The following HGSNAT variants were observed in gnomAD, a reference collection of about 807,000 sequenced individuals.
HGSNAT encodes transmembrane protein 76.
Under a neutral mutation model 85.2 loss-of-function variants are expected in HGSNAT, and 59 were observed. That is an observed-to-expected ratio of 0.69 (90% confidence interval 0.56 to 0.86). The LOEUF (loss-of-function observed/expected upper bound fraction) is 0.86, where lower values mean the gene tolerates loss of function less well. HGSNAT is among the 40% of genes least tolerant of loss of function. The pLI, the probability that HGSNAT is intolerant of heterozygous loss-of-function variation, is 0.00. For synonymous variants in HGSNAT, 321 were observed against 304.5 expected (o/e 1.05, Z -0.56); for missense variants, 756 against 777.1 (o/e 0.97, Z 0.32).
At chr8:43,177,901 C>T (rs1803869200) in intron 9 of HGSNAT, among the ~76,000 whole-genome samples, 173 bp from the exon 10 acceptor site, 1 of 152,296 alleles carries the variant, frequency 6.6e-6, no homozygotes, top group East Asian at 1.9e-4. Context: ...CTTCCAGCCC[C>T]ATGGGGCTAT....
chr8:43,193,745 C>T lies in HGSNAT; in HGVS notation c.1378-12C>T. On this transcript the variant is annotated splice_polypyrimidine_tract_variant and intron_variant, in intron 13 of 17. Coordinates refer to ENST00000379644, the MANE Select transcript of HGSNAT (RefSeq NM_152419.3). ...AGTGAGTGAGTGCTGCCTTCTGCTTCTGTTTGTTAAGGTACTTTACCACAC... is the reference window on the plus strand; with the variant it reads ...AGTGAGTGAGTGCTGCCTTCTGCTTTTGTTTGTTAAGGTACTTTACCACAC... 1 of 1,596,392 alleles carries T rather than the reference C, an allele frequency of 6.3e-7. No individual in the cohort carries two copies. The highest frequency in any genetic ancestry group is 8.6e-7 in the Non-Finnish European group (1 of 1,165,504).
At chr8:43,178,049 C>G in intron 9 of HGSNAT, 25 bp from the exon 10 acceptor site, 2 of 1,606,420 alleles carry the variant, frequency 1.2e-6, no homozygotes, top group Non-Finnish European at 1.7e-6. Flanking sequence ...AAATGGCCAC[C>G]TATTAATAAC....
chr8:43,172,260 C>A, intron 7 of HGSNAT, 50 bp from the exon 8 acceptor site: 2 of 1,334,584 alleles, frequency 1.5e-6, no homozygotes, highest in East Asian at 4.6e-5. Flanking sequence ...TCAGCCCTTC[C>A]TTTTCACATA....
chr8:43,197,425 A>G, intron 15 of HGSNAT: 1 of 561,408 alleles, frequency 1.8e-6, no homozygotes, highest in Non-Finnish European at 3.1e-6. Flanking sequence ...CCTCCTCTTC[A>G]GAGTCACTGT....
At chr8:43,179,512 T>A (rs1156794203) in intron 10 of HGSNAT, among the ~76,000 whole-genome samples, 7 of 111,338 alleles carry the variant, frequency 6.3e-5, no homozygotes, top group Admixed American at 5.0e-4. Flanking sequence ...CCCACCTCCC[T>A]CCCGGACGGG....
chr8:43,173,544 A>C (rs1332141492), intron 8 of HGSNAT, among the ~76,000 whole-genome samples, 169 bp from the exon 9 acceptor site: 3 of 152,152 alleles, frequency 2.0e-5, no homozygotes, highest in Non-Finnish European at 4.4e-5. Context: ...TCCTGACCTC[A>C]GGTGATCTGC....
At position 43,140,507 on chromosome 8, in the gene HGSNAT, C is replaced by T. The variant is rs1802477313; in HGVS notation, c.11C>T (p.Ala4Val). Residue 4 changes from alanine (A) to valine (V), a missense_variant, in exon 1 of 18, where the codon GCG becomes GTG. By Grantham distance (64) the Ala-to-Val change is moderately conservative. Transcript: ENST00000379644. MSG[A>V]GRALAALLLA... ...GAGCGGGCGGCGGGCATGAGCGGGG[C>T]GGGCAGGGCGCTGGCCGCGCTGCTG... 9.5e-7 allele frequency: 1 copy of T among 1,051,080 alleles called. No homozygotes were observed. Among genetic ancestry groups the T allele is most frequent in the Non-Finnish European group, 1.1e-6 (1 of 874,004 alleles). 65.1% of individuals were successfully genotyped at this position (1,051,080 alleles called of 1,614,324 possible). A position where few individuals can be genotyped will look rare whatever the true frequency, so the allele number is the denominator to read the frequency against.
At chr8:43,181,862 C>G in intron 10 of HGSNAT, 2 of 428,840 alleles carry the variant, frequency 4.7e-6, no homozygotes, top group South Asian at 7.3e-5. Flanking sequence ...CTGAGTAAGA[C>G]GCTTTGGTTC....
In HGSNAT at chr8:43,182,183, C is replaced by T. The variant is rs756420301; in HGVS notation, c.1051C>T (p.Arg351Ter). Residue 351 changes from arginine to a stop codon, truncating the protein, a stop_gained, in exon 11 of 18, where the codon CGA becomes TGA. Coordinates refer to ENST00000379644, the MANE Select transcript of HGSNAT (RefSeq NM_152419.3). LOFTEE classifies it high-confidence loss of function. ...GGTGCGCATTCCTGGTGTGCTGCAG[C>T]GATTGGGAGTGACATACTTTGTGGT... ...DKVRIPGVLQRLGVTYFVVAV... is the reference protein window; with the variant it reads ...DKVRIPGVLQ The T allele has an allele frequency of 3.1e-6, 5 of 1,613,916 alleles. No individual in the cohort carries two copies. Among genetic ancestry groups the T allele is most frequent in the Admixed American group, 1.7e-5 (1 of 60,012 alleles).
intron 9 of HGSNAT, among the ~76,000 whole-genome samples, chr8:43,176,245 T>C (rs545689708): frequency 1.2e-4 from 19 of 152,224 alleles, no homozygotes; most frequent in Non-Finnish European, 2.8e-4. Context: ...GATAGGGGTC[T>C]AGGTTCATTC....
rs1408305187 is a variant in HGSNAT, at chr8:43,140,626, C to G, written c.118+12C>G. 1 of 1,188,426 alleles carries G rather than the reference C, an allele frequency of 8.4e-7. No individual in the cohort carries two copies. Among genetic ancestry groups the G allele is most frequent in the South Asian group, 2.4e-5 (1 of 42,534 alleles). 73.6% of individuals were successfully genotyped at this position (1,188,426 alleles called of 1,614,324 possible). ...CGCGCCGCCACGAGGTGAGTGCACA[C>G]CTCCTACCGCCGCCCGGCCGGCTAC... On this transcript the variant is annotated intron_variant, in intron 1 of 17. Transcript: ENST00000379644.
intron 1 of HGSNAT, among the ~76,000 whole-genome samples, chr8:43,140,841 A>C (rs1036733783): frequency 1.3e-5 from 2 of 151,688 alleles, no homozygotes; most frequent in Admixed American, 6.6e-5. Flanking sequence ...GGCGGTTCGG[A>C]CCGCGGCGGA....
chr8:43,169,770 C>G (rs1803553983), intron 6 of HGSNAT, among the ~76,000 whole-genome samples: 2 of 152,312 alleles, frequency 1.3e-5, no homozygotes, highest in Admixed American at 1.3e-4. Context: ...AAGTACAAAA[C>G]CAGACCTCTA....
intron 11 of HGSNAT, among the ~76,000 whole-genome samples, chr8:43,187,480 T>C (rs372151440): frequency 2.0e-5 from 3 of 152,322 alleles, no homozygotes; most frequent in South Asian, 2.1e-4. Flanking sequence ...CCTTTTTTTG[T>C]TTTCCGTTTA....
At chr8:43,169,382 A>G (rs976141808) in intron 6 of HGSNAT, 140 bp downstream of exon 6, 6 of 518,788 alleles carry the variant, frequency 1.2e-5, no homozygotes, top group Non-Finnish European at 2.0e-5. Context: ...CCTAATAGAG[A>G]GCAGCCCTCT....
rs1803533073 is a variant in HGSNAT, at chr8:43,169,184, T to G, written c.575T>G (p.Phe192Cys). The G allele has an allele frequency of 1.3e-6, 2 of 1,565,522 alleles. No homozygotes were observed. ...TTATTTATTTTCAGTTTGGATGACT[T>G]TAACAATTGGATTTCTAAAGCCATA... ...FLRLLLSLDDFNNWISKAISS... is the reference protein window; with the variant it reads ...FLRLLLSLDDCNNWISKAISS... Residue 192 changes from phenylalanine (F) to cysteine (C), a missense_variant, in exon 6 of 18, where the codon TTT becomes TGT. Phe to Cys is a radical substitution (Grantham distance 205). Coordinates refer to ENST00000379644, the MANE Select transcript of HGSNAT (RefSeq NM_152419.3).
At position 43,170,503 on chromosome 8, in the gene HGSNAT, A is replaced by C. The variant is rs904357375; in HGVS notation, c.634-82A>C. On this transcript the variant is annotated intron_variant, in intron 6 of 17. Coordinates refer to ENST00000379644, the MANE Select transcript of HGSNAT (RefSeq NM_152419.3). Reference sequence around the variant, plus strand: ...TCAAAAAACAAAACAAAACAAAACAAAACAAAGAAATCAAAAAATGACAAA... The same window carrying C: ...TCAAAAAACAAAACAAAACAAAACACAACAAAGAAATCAAAAAATGACAAA... 5 of 1,227,524 alleles carry C rather than the reference A, an allele frequency of 4.1e-6. No individual in the cohort carries two copies. The African/African-American group carries it at 7.5e-5, about 18-fold the overall frequency. 76.0% of individuals were successfully genotyped at this position (1,227,524 alleles called of 1,614,324 possible).
At chr8:43,166,968 G>A (rs1803455415) in intron 5 of HGSNAT, among the ~76,000 whole-genome samples, 1 of 152,138 alleles carries the variant, frequency 6.6e-6, no homozygotes, top group African/African-American at 2.4e-5. Flanking sequence ...GATGACTCGG[G>A]GGTTTAAGGC....
chr8:43,140,751 G>A (rs1158398134), intron 1 of HGSNAT, 137 bp downstream of exon 1: 1 of 290,846 alleles, frequency 3.4e-6, no homozygotes, highest in Non-Finnish European at 5.8e-6. Context: ...GGCTGTTGCT[G>A]CGACTTCGCG....
Sources: allele counts gnomAD v4.1 joint callset (sites outside exome capture counted in the v4.1 genomes callset), GRCh38; gene constraint gnomAD v4.1.1; transcripts MANE v1.5; gene names NCBI Gene and HGNC (gene_info 2026-07-23, HGNC 2026-07-21).